Variants in SCUBE1 observed in about 807,000 individuals in gnomAD.
SCUBE1 encodes the protein signal peptide, CUB domain and EGF like domain containing 1.
In SCUBE1, 59 loss-of-function variants were observed where a neutral mutation model predicts 124.4. The observed-to-expected ratio is 0.47, with a 90% CI of 0.38 to 0.59. The LOEUF (loss-of-function observed/expected upper bound fraction) is 0.59, where lower values mean the gene tolerates loss of function less well. Among genes scored for constraint, SCUBE1 ranks in the 20% least tolerant of loss-of-function variants. The pLI, the probability that SCUBE1 is intolerant of heterozygous loss-of-function variation, is 0.00. For synonymous variants in SCUBE1, 545 were observed against 550.9 expected, an observed-to-expected ratio of 0.99 and a Z score of 0.15; for missense variants, 1,150 against 1,371.2, an observed-to-expected ratio of 0.84 and a Z score of 2.55.
intron 4 of SCUBE1, among the ~76,000 whole-genome samples, chr22:43,289,065 T>A (rs1156673121): frequency 1.3e-5 from 2 of 152,240 alleles, no homozygotes; most frequent in African/African-American, 4.8e-5. Flanking sequence ...CAGCTCCACC[T>A]GGAGTCCTGC....
intron 2 of SCUBE1, among the ~76,000 whole-genome samples, chr22:43,332,917 A>T (rs1197356437): frequency 6.6e-5 from 10 of 152,104 alleles, no homozygotes; most frequent in Admixed American, 6.5e-4. Flanking sequence ...GGGACCAGAG[A>T]TGGCTTCCTG....
At chr22:43,214,063 C>CCCCCA in intron 16 of SCUBE1, 27 bp downstream of exon 16, 1 of 663,994 alleles carries the variant, frequency 1.5e-6, no homozygotes, top group Middle Eastern at 4.3e-4. Flanking sequence ...CCCCCACCCC[C>CCCCCA]ACCTCTCCTT....
chr22:43,257,223 C>T (rs1923694192), intron 6 of SCUBE1, among the ~76,000 whole-genome samples: 1 of 152,218 alleles, frequency 6.6e-6, no homozygotes, highest in Non-Finnish European at 1.5e-5. Flanking sequence ...ACCCTGGCCT[C>T]ATGGGCTTCT....
intron 3 of SCUBE1, among the ~76,000 whole-genome samples, chr22:43,314,714 C>T (rs1926284780): frequency 6.6e-6 from 1 of 152,120 alleles, no homozygotes; most frequent in South Asian, 2.1e-4. Flanking sequence ...TGTGCTGAGG[C>T]TCGTCATGGT....
chr22:43,218,524 G>C, intron 14 of SCUBE1, 66 bp from the exon 15 acceptor site: 3 of 1,557,478 alleles, frequency 1.9e-6, no homozygotes, highest in Non-Finnish European at 2.6e-6. Context: ...CTTCTTAGCT[G>C]AGGGCTCCCC....
At chr22:43,246,196 G>A (rs1434153008) in intron 6 of SCUBE1, among the ~76,000 whole-genome samples, 1 of 152,132 alleles carries the variant, frequency 6.6e-6, no homozygotes, top group Admixed American at 6.5e-5. Context: ...GTCTCCCCCT[G>A]CCCTGCCTCC....
At chr22:43,262,615 C>T in intron 5 of SCUBE1, 105 bp downstream of exon 5, 2 of 1,383,416 alleles carry the variant, frequency 1.4e-6, no homozygotes, top group Non-Finnish European at 2.0e-6. Context: ...CCCCATGGGG[C>T]TGGGGACCCT....
Position 43,255,068 on chromosome 22 carries a change from G to A in SCUBE1, c.727+3151C>T, listed in dbSNP as rs1473961552. Among the ~76,000 whole-genome samples, 5 of 152,216 alleles carry A rather than the reference G, an allele frequency of 3.3e-5. No individual in the cohort carries two copies. The highest frequency in any genetic ancestry group is 7.3e-5 in the Non-Finnish European group (5 of 68,044). On this transcript the variant is annotated intron_variant, in intron 6 of 21. Transcript: ENST00000360835. This position sits in a 1 kb window ranked among gnomAD's most constrained non-coding sequence, Gnocchi z 4.7. ...TACTCAAATGCCCTCTTTTGTGGCT[G>A]AGTCTCAGTGCTGCTTTGCTGAGCC...
At chr22:43,222,777 G>T in intron 11 of SCUBE1, 35 bp from the exon 12 acceptor site, 1 of 1,489,658 alleles carries the variant, frequency 6.7e-7, no homozygotes, top group Non-Finnish European at 9.2e-7. Flanking sequence ...TGGGCCTGGT[G>T]CTCCTCCCTC....
At chr22:43,280,523 C>T (rs1924751673) in intron 4 of SCUBE1, among the ~76,000 whole-genome samples, 2 of 137,836 alleles carry the variant, frequency 1.5e-5, no homozygotes, top group African/African-American at 5.6e-5. Flanking sequence ...TCCTGCTGTC[C>T]CTTCCCCTCA....
Sources: gnomAD v4.1 joint callset for allele counts (sites outside exome capture counted in the v4.1 genomes callset) on GRCh38, gnomAD v4.1.1 for gene constraint, Gnocchi (gnomAD v3.1) non-coding constraint, MANE v1.5 for transcripts, NCBI Gene and HGNC (gene_info 2026-07-23, HGNC 2026-07-21) for gene names.